OSBPL10: variants seen among roughly 807,000 people sequenced by gnomAD.
The protein encoded by OSBPL10 is oxysterol-binding protein-related protein 10.
In OSBPL10, 49 loss-of-function variants were observed where a neutral mutation model predicts 81.7. That is an observed-to-expected ratio of 0.60 (90% CI 0.48 to 0.76). The LOEUF (loss-of-function observed/expected upper bound fraction) is 0.76. Ranked by LOEUF, OSBPL10 falls within the 30% of genes least tolerant of loss-of-function variation. The pLI, the probability that OSBPL10 is intolerant of heterozygous loss-of-function variation, is 0.00. For missense variants in OSBPL10, 923 were observed against 987.8 expected (o/e 0.93, Z 0.88); for synonymous variants, 419 against 383.6 (o/e 1.09, Z -1.08).
At chr3:31,742,662 C>A (rs1296741547) in intron 5 of OSBPL10, among the ~76,000 whole-genome samples, 1 of 152,180 alleles carries the variant, frequency 6.6e-6, no homozygotes, top group Non-Finnish European at 1.5e-5. Flanking sequence ...TAGTTACAGG[C>A]ATCTGCCCGA....
At chr3:32,052,808 T>G (rs6762350) in intron 1 of OSBPL10, among the ~76,000 whole-genome samples, 152,093 of 152,140 alleles carry the variant, frequency 1, 76,023 homozygotes, top group Middle Eastern at 1. Flanking sequence ...TGTCAGGAGT[T>G]GGGGGCAAGG....
chr3:32,017,619 G>A (rs1699326985), intron 2 of OSBPL10, among the ~76,000 whole-genome samples: 1 of 152,110 alleles, frequency 6.6e-6, no homozygotes, highest in Non-Finnish European at 1.5e-5. Context: ...TTAGTAGACT[G>A]CACAAAGCCC....
chr3:31,811,497 C>A (rs1352685371), intron 4 of OSBPL10, among the ~76,000 whole-genome samples: 5 of 152,144 alleles, frequency 3.3e-5, no homozygotes, highest in African/African-American at 1.2e-4. Context: ...TGGCCTGGAG[C>A]CTGTGCCTCA....
At chr3:31,816,998 G>A (rs980443433) in intron 4 of OSBPL10, among the ~76,000 whole-genome samples, 6 of 152,018 alleles carry the variant, frequency 3.9e-5, no homozygotes, top group African/African-American at 7.2e-5. Context: ...TGCCCTCTTC[G>A]TCCCCTGGCC....
intron 3 of OSBPL10, among the ~76,000 whole-genome samples, chr3:31,832,275 C>T (rs1175071783): frequency 6.6e-6 from 1 of 152,144 alleles, no homozygotes; most frequent in Non-Finnish European, 1.5e-5. Flanking sequence ...TGTGGAGAAG[C>T]AGGGAATGAG....
chr3:31,739,029 T>A (rs1697267409), intron 5 of OSBPL10, among the ~76,000 whole-genome samples: 1 of 151,964 alleles, frequency 6.6e-6, no homozygotes, highest in Admixed American at 6.6e-5. Flanking sequence ...AAAGGAAGCA[T>A]CAAGAAAATC....
intron 1 of OSBPL10, among the ~76,000 whole-genome samples, chr3:32,053,757 G>A (rs955937392): frequency 1.3e-5 from 2 of 151,956 alleles, no homozygotes; most frequent in Admixed American, 1.3e-4. Context: ...GTGGATCACG[G>A]GAGGTCAGGA....
intron 1 of OSBPL10, among the ~76,000 whole-genome samples, chr3:31,951,541 A>G (rs1393172319): frequency 6.6e-6 from 1 of 151,888 alleles, no homozygotes; most frequent in Non-Finnish European, 1.5e-5. Context: ...CCTAGAGTGA[A>G]TGGTGAGCTC....
At chr3:31,796,025 G>GAATGTGGGAAATCCTTTGCA (rs1699203335) in intron 4 of OSBPL10, 1 of 188,082 alleles carries the variant, frequency 5.3e-6, no homozygotes, top group South Asian at 1.3e-4. Flanking sequence ...CCTTATGAGC[G>GAATGTGGGAAATCCTTTGCA]CACTGAATGT....
chr3:31,732,640 G>A (rs1184664532), intron 6 of OSBPL10: 1 of 152,424 alleles, frequency 6.6e-6, no homozygotes, highest in Non-Finnish European at 1.5e-5. Context: ...GCCACTTAGA[G>A]GCAGAAATAG....
intron 4 of OSBPL10, among the ~76,000 whole-genome samples, chr3:31,799,336 G>A (rs1176773465): frequency 8.1e-6 from 1 of 122,718 alleles, no homozygotes; most frequent in African/African-American, 3.1e-5. Context: ...GAGGCCAGGA[G>A]TTCAAGACCA....
rs751408201 is a variant in OSBPL10, at chr3:31,668,604, T to A, written c.2096+38A>T. 12 of 1,545,328 alleles carry A rather than the reference T, an allele frequency of 7.8e-6. No individual in the cohort carries two copies. The South Asian group carries it at 1.5e-4, about 20-fold the overall frequency. ...TGTCCCTTGAGTCAGGTGCCCAGCA[T>A]GACTAAGCTGGAGAGGAAGACACAG... On this transcript the variant is annotated intron_variant, in intron 10 of 11. Coordinates refer to ENST00000396556, the MANE Select transcript of OSBPL10 (RefSeq NM_017784.5).
chr3:31,732,875 T>C (rs1697022411), intron 6 of OSBPL10: 1 of 259,934 alleles, frequency 3.8e-6, no homozygotes, highest in African/African-American at 2.4e-5. Flanking sequence ...CAAGAGCTTG[T>C]ATCAGCAGGA....
At chr3:31,844,271 G>A (rs1212882791) in intron 3 of OSBPL10, among the ~76,000 whole-genome samples, 2 of 152,218 alleles carry the variant, frequency 1.3e-5, no homozygotes, top group Admixed American at 6.5e-5. Flanking sequence ...GGCTCAGCCT[G>A]TATATTTTAT....
At chr3:31,786,131 T>C (rs1698853481) in intron 4 of OSBPL10, among the ~76,000 whole-genome samples, 1 of 152,162 alleles carries the variant, frequency 6.6e-6, no homozygotes, top group South Asian at 2.1e-4. Flanking sequence ...ATATTCTTTT[T>C]CCTTTTTTCC....
At chr3:31,898,486 T>C (rs1010140176) in intron 1 of OSBPL10, among the ~76,000 whole-genome samples, 4 of 151,972 alleles carry the variant, frequency 2.6e-5, no homozygotes, top group Non-Finnish European at 5.9e-5. Flanking sequence ...GGCTCATGCC[T>C]GTAATCCCAG....
intron 2 of OSBPL10, chr3:31,990,411 T>C: frequency 6.2e-7 from 1 of 1,614,050 alleles, no homozygotes; most frequent in Non-Finnish European, 8.5e-7. Flanking sequence ...TCGTAGTTCA[T>C]TGGCGAACTC....
At chr3:31,875,555 TA>T (rs60853105) in intron 3 of OSBPL10, among the ~76,000 whole-genome samples, 33,416 of 143,496 alleles carry the variant, frequency 0.23, 3,926 homozygotes, top group East Asian at 0.33. Flanking sequence ...GATGTTTCTT[TA>T]AAAAAAAAAA....
chr3:31,941,996 A>T (rs1386860071), intron 1 of OSBPL10, among the ~76,000 whole-genome samples: 1 of 152,136 alleles, frequency 6.6e-6, no homozygotes, highest in African/African-American at 2.4e-5. Flanking sequence ...AATGTATGGC[A>T]GGGCACGGTG....
Sources: gnomAD v4.1 joint callset for allele counts (sites outside exome capture counted in the v4.1 genomes callset) on GRCh38, gnomAD v4.1.1 for gene constraint, MANE v1.5 for transcripts, NCBI Gene and HGNC (gene_info 2026-07-23, HGNC 2026-07-21) for gene names.